DNM3: variants seen among roughly 807,000 people sequenced by gnomAD.
DNM3 encodes the protein dynamin-3.
Under a neutral mutation model 101.6 loss-of-function variants are expected in DNM3, and 47 were observed. The ratio of observed to expected loss-of-function variants is 0.46; its 90% CI spans 0.37 to 0.59. The LOEUF (loss-of-function observed/expected upper bound fraction) is 0.59. DNM3 is among the 20% of genes least tolerant of loss of function. DNM3 has a pLI of 0.00. For missense variants in DNM3, 849 were observed against 1,085.7 expected, an observed-to-expected ratio of 0.78 and a Z score of 3.06; for synonymous variants, 385 against 387.9, an observed-to-expected ratio of 0.99 and a Z score of 0.09.
intron 2 of DNM3, among the ~76,000 whole-genome samples, chr1:171,974,928 C>T (rs755590515): frequency 1.3e-5 from 2 of 151,654 alleles, no homozygotes; most frequent in Non-Finnish European, 2.9e-5. Context: ...AGGCTCACTG[C>T]ACCCTTGAAC....
At chr1:172,035,781 T>C (rs1458855401) in intron 6 of DNM3, among the ~76,000 whole-genome samples, 1 of 152,174 alleles carries the variant, frequency 6.6e-6, no homozygotes, top group Admixed American at 6.6e-5. Context: ...AGCTCTTTTG[T>C]TGCCTGCTTC....
chr1:172,308,074 G>C (rs374215932), intron 15 of DNM3, among the ~76,000 whole-genome samples: 84 of 152,176 alleles, frequency 5.5e-4, no homozygotes, highest in African/African-American at 1.7e-3. Context: ...CTAGGCTGTG[G>C]AAACTGGATG....
chr1:171,850,765 T>C (rs1271155067), intron 1 of DNM3, among the ~76,000 whole-genome samples: 1 of 149,250 alleles, frequency 6.7e-6, no homozygotes, highest in Non-Finnish European at 1.5e-5. Context: ...TCTTAGGGCT[T>C]TGTTTTTTTT....
chr1:172,070,706 ACATCTTTACACTT>A (rs1198831533), intron 11 of DNM3, among the ~76,000 whole-genome samples: 1 of 152,056 alleles, frequency 6.6e-6, no homozygotes, highest in Non-Finnish European at 1.5e-5. Context: ...AAGTTATTTG[ACATCTTTACACTT>A]CAATTTTCGC....
chr1:172,095,781 T>C lies in DNM3; in HGVS notation c.1545+2906T>C, dbSNP rs541909705. 6.6e-5 allele frequency among the ~76,000 whole-genome samples: 10 copies of C among 152,364 alleles called. No individual in the cohort carries two copies. In the South Asian group the frequency reaches 2.1e-3, roughly 32 times the overall value. ...ATTTAAGAAGGGCAAAACTCTTCTT[T>C]AAAGTCTAAATTTGCTTTGTTTATG... is the stretch of plus-strand genomic sequence containing the variant. On this transcript the variant is annotated intron_variant, in intron 13 of 20. Transcript: ENST00000627582.
At chr1:172,362,504 T>C (rs2067793849) in intron 17 of DNM3, among the ~76,000 whole-genome samples, 1 of 151,918 alleles carries the variant, frequency 6.6e-6, no homozygotes, top group Non-Finnish European at 1.5e-5. Context: ...TTCGAGTATT[T>C]CTCCTGTACA....
At chr1:172,026,712 T>TGG (rs1437407198) in intron 4 of DNM3, among the ~76,000 whole-genome samples, 2 of 151,866 alleles carry the variant, frequency 1.3e-5, no homozygotes, top group Non-Finnish European at 2.9e-5. Context: ...TGGAGTGCAG[T>TGG]GGTGCAATGT....
At chr1:172,277,709 CT>C (rs555404011) in intron 15 of DNM3, among the ~76,000 whole-genome samples, 48 of 152,110 alleles carry the variant, frequency 3.2e-4, no homozygotes, top group African/African-American at 1.1e-3. Flanking sequence ...AGAGAATTAT[CT>C]TTTATGAAAA....
intron 10 of DNM3, among the ~76,000 whole-genome samples, chr1:172,065,770 G>A (rs2051607358): frequency 6.6e-6 from 1 of 152,148 alleles, no homozygotes; most frequent in African/African-American, 2.4e-5. Flanking sequence ...GTTTTATGAT[G>A]TTATGAACAT....
chr1:172,306,570 A>G (rs941458074), intron 15 of DNM3, among the ~76,000 whole-genome samples: 15 of 152,230 alleles, frequency 9.9e-5, no homozygotes, highest in African/African-American at 3.1e-4. Context: ...CCGCATTGCC[A>G]AGACAATCCT....
intron 14 of DNM3, among the ~76,000 whole-genome samples, chr1:172,172,241 T>G (rs1234645944): frequency 6.6e-6 from 1 of 151,700 alleles, no homozygotes; most frequent in Non-Finnish European, 1.5e-5. Flanking sequence ...TTATTCATTT[T>G]TGTTACATCT....
At chr1:172,202,835 G>C (rs2060199285) in intron 14 of DNM3, among the ~76,000 whole-genome samples, 1 of 152,102 alleles carries the variant, frequency 6.6e-6, no homozygotes, top group Non-Finnish European at 1.5e-5. Context: ...TTGGACTGTA[G>C]ACAATTTACT....
At chr1:172,255,942 G>T (rs1201429193) in intron 15 of DNM3, among the ~76,000 whole-genome samples, 1 of 152,130 alleles carries the variant, frequency 6.6e-6, no homozygotes, top group Non-Finnish European at 1.5e-5. Flanking sequence ...ATGCTTAGGA[G>T]TTGAATTTTA....
chr1:171,874,723 C>T (rs2035599892), intron 1 of DNM3, among the ~76,000 whole-genome samples: 1 of 151,816 alleles, frequency 6.6e-6, no homozygotes. Flanking sequence ...GGGTAGATTG[C>T]ATGATGCTGA....
chr1:171,935,769 C>CT (rs551030808), intron 2 of DNM3, among the ~76,000 whole-genome samples: 4,677 of 47,910 alleles, frequency 0.098, 1,539 homozygotes, highest in East Asian at 0.21. Context: ...CAAATCAAAA[C>CT]TTTTTTTTTT....
chr1:172,292,906 T>C (rs987503239), intron 15 of DNM3, among the ~76,000 whole-genome samples: 1 of 152,148 alleles, frequency 6.6e-6, no homozygotes, highest in African/African-American at 2.4e-5. Flanking sequence ...AACCAGAAAT[T>C]GTAAAATAAA....
intron 1 of DNM3, among the ~76,000 whole-genome samples, chr1:171,895,442 G>C (rs1295589622): frequency 6.6e-6 from 1 of 152,190 alleles, no homozygotes; most frequent in Non-Finnish European, 1.5e-5. Flanking sequence ...CTTCTTTTGA[G>C]AAGTGTCTGT....
intron 17 of DNM3, among the ~76,000 whole-genome samples, chr1:172,373,498 C>T (rs1185899178): frequency 7.2e-5 from 11 of 152,032 alleles, no homozygotes; most frequent in Non-Finnish European, 1.6e-4. Flanking sequence ...TAAAATAATA[C>T]AGAATTGTTT....
intron 20 of DNM3, among the ~76,000 whole-genome samples, chr1:172,407,448 T>C (rs560703876): frequency 6.6e-6 from 1 of 152,196 alleles, no homozygotes; most frequent in South Asian, 2.1e-4. Flanking sequence ...CCTGAGTTCA[T>C]TCTATGTAAT....
Sources: allele counts gnomAD v4.1 joint callset (sites outside exome capture counted in the v4.1 genomes callset), GRCh38; gene constraint gnomAD v4.1.1; transcripts MANE v1.5; gene names NCBI Gene and HGNC (gene_info 2026-07-23, HGNC 2026-07-21).